USP32: variants seen among roughly 807,000 people sequenced by gnomAD.
The protein encoded by USP32 is ubiquitin specific peptidase 32.
Under a neutral mutation model 204.8 loss-of-function variants are expected in USP32, and 59 were observed. That is an observed-to-expected ratio of 0.29 (90% CI 0.23 to 0.36). The LOEUF (loss-of-function observed/expected upper bound fraction) is 0.36, where lower values mean the gene tolerates loss of function less well. Ranked by LOEUF, USP32 falls within the 10% of genes least tolerant of loss-of-function variation. The probability of loss-of-function intolerance (pLI) is 1.00; values close to 1 mark genes in which losing one functional copy is unlikely to be tolerated. For missense variants in USP32, 1,160 were observed against 1,946.4 expected (o/e 0.60, Z 7.60); for synonymous variants, 517 against 678.4 (o/e 0.76, Z 3.70).
chr17:60,318,376 A>G (rs1160971861), intron 2 of USP32, among the ~76,000 whole-genome samples: 2 of 152,180 alleles, frequency 1.3e-5, no homozygotes, highest in Non-Finnish European at 2.9e-5. Flanking sequence ...TCTCCTGTTC[A>G]CTAATCTAAT....
chr17:60,347,304 C>A (rs545996117), intron 1 of USP32, among the ~76,000 whole-genome samples: 21 of 151,538 alleles, frequency 1.4e-4, no homozygotes, highest in African/African-American at 4.8e-4. Flanking sequence ...CCTGCCTCAT[C>A]CTCCCAAGTA....
chr17:60,302,866 TA>T (rs1474034070), intron 2 of USP32, among the ~76,000 whole-genome samples: 1 of 152,120 alleles, frequency 6.6e-6, no homozygotes, highest in Non-Finnish European at 1.5e-5. Context: ...GAAGAAAAAC[TA>T]TGCATAGGAA....
At position 60,227,842 on chromosome 17, in the gene USP32, C is replaced by A. The variant is rs574728367; in HGVS notation, c.1240-1611G>T. Among the ~76,000 whole-genome samples, 95 of 151,854 alleles carry A rather than the reference C, an allele frequency of 6.3e-4. 1 individual carries two copies. The highest frequency in any genetic ancestry group is 5.8e-3 in the Admixed American group (88 of 15,252). ...GTTACCACTGCTTCACTTTAGTAGC[C>A]AAAAAATTTTTTTAAATTTTAAGTA... On this transcript the variant is annotated intron_variant, in intron 12 of 33. Transcript: ENST00000300896.
At chr17:60,182,571 T>C (rs899727478) in intron 31 of USP32, among the ~76,000 whole-genome samples, 1 of 152,088 alleles carries the variant, frequency 6.6e-6, no homozygotes, top group Admixed American at 6.6e-5. Context: ...GAGCCCAGCC[T>C]GGGAAATATG....
intron 2 of USP32, among the ~76,000 whole-genome samples, chr17:60,326,204 T>C (rs1447222356): frequency 2.6e-5 from 4 of 152,076 alleles, no homozygotes; most frequent in Non-Finnish European, 5.9e-5. Flanking sequence ...GTGATGCATT[T>C]CCTACTGATA....
intron 16 of USP32, 116 bp from the exon 17 acceptor site, chr17:60,214,890 T>C: frequency 3.3e-6 from 5 of 1,503,356 alleles, no homozygotes; most frequent in Non-Finnish European, 4.5e-6. Context: ...GAATTACAGG[T>C]GTAATAATTT....
intron 4 of USP32, among the ~76,000 whole-genome samples, chr17:60,292,633 T>TAC (rs1361627814): frequency 6.6e-5 from 10 of 152,166 alleles, no homozygotes; most frequent in Admixed American, 1.3e-4. Flanking sequence ...AACTTCTCAC[T>TAC]ACCTCACTGC....
At chr17:60,259,013 C>T (rs2145738313) in intron 9 of USP32, among the ~76,000 whole-genome samples, 1 of 152,228 alleles carries the variant, frequency 6.6e-6, no homozygotes, top group Non-Finnish European at 1.5e-5. Flanking sequence ...GCCCCTTTAG[C>T]CAGAATCTCA....
chr17:60,226,898 G>C (rs9903737), intron 12 of USP32, among the ~76,000 whole-genome samples: 1 of 151,802 alleles, frequency 6.6e-6, no homozygotes, highest in Admixed American at 6.6e-5. Context: ...ACAAAAATTA[G>C]CTGGGGGTGG....
chr17:60,398,118 A>G (rs1312728739), intron 1 of USP32, among the ~76,000 whole-genome samples: 4 of 152,238 alleles, frequency 2.6e-5, no homozygotes, highest in Non-Finnish European at 5.9e-5. Flanking sequence ...TAATCCAAGC[A>G]CTTTGGGCAG....
At chr17:60,238,267 T>G (rs1257127096) in intron 11 of USP32, among the ~76,000 whole-genome samples, 1 of 152,206 alleles carries the variant, frequency 6.6e-6, no homozygotes, top group African/African-American at 2.4e-5. Flanking sequence ...GTTGTTAAGC[T>G]GTAGGAGTTC....
intron 5 of USP32, among the ~76,000 whole-genome samples, chr17:60,273,987 T>C (rs1008926772): frequency 2.9e-5 from 4 of 139,450 alleles, no homozygotes; most frequent in African/African-American, 1.2e-4. Context: ...AAAAAAAAAT[T>C]AGTCAATAGA....
chr17:60,261,533 C>T (rs1378337002), intron 9 of USP32, among the ~76,000 whole-genome samples: 1 of 151,980 alleles, frequency 6.6e-6, no homozygotes, highest in Non-Finnish European at 1.5e-5. Context: ...GTAATCCCAG[C>T]TACTTGGAAG....
intron 1 of USP32, among the ~76,000 whole-genome samples, chr17:60,361,379 T>C (rs955713299): frequency 7.9e-5 from 12 of 152,184 alleles, no homozygotes; most frequent in Non-Finnish European, 1.2e-4. Flanking sequence ...ACATATAGAT[T>C]TAGTTCATTC....
intron 25 of USP32, among the ~76,000 whole-genome samples, chr17:60,206,800 G>C (rs1470993749): frequency 6.6e-6 from 1 of 152,054 alleles, no homozygotes; most frequent in Non-Finnish European, 1.5e-5. Flanking sequence ...GAATTCCAAG[G>C]GTATATTAGC....
intron 17 of USP32, among the ~76,000 whole-genome samples, chr17:60,214,159 C>T (rs977888642): frequency 3.3e-5 from 5 of 152,116 alleles, no homozygotes; most frequent in African/African-American, 9.7e-5. Flanking sequence ...CCAGGCTGGT[C>T]TCAAACTCCT....
At chr17:60,215,671 T>C (rs2085083060) in intron 16 of USP32, among the ~76,000 whole-genome samples, 1 of 152,140 alleles carries the variant, frequency 6.6e-6, no homozygotes, top group Non-Finnish European at 1.5e-5. Context: ...AACATATGTA[T>C]ATCTATTACA....
At chr17:60,368,681 G>A (rs1212611352) in intron 1 of USP32, among the ~76,000 whole-genome samples, 7 of 151,852 alleles carry the variant, frequency 4.6e-5, no homozygotes, top group Non-Finnish European at 1.0e-4. Flanking sequence ...TAAGTCCAGG[G>A]GTTTATGTTT....
chr17:60,249,385 G>C, intron 11 of USP32: 1 of 235,582 alleles, frequency 4.2e-6, no homozygotes, highest in East Asian at 1.0e-4. Flanking sequence ...GATCACTGGG[G>C]ACATGAGAAA....
Sources: allele counts gnomAD v4.1 joint callset (sites outside exome capture counted in the v4.1 genomes callset), GRCh38; gene constraint gnomAD v4.1.1; transcripts MANE v1.5; gene names NCBI Gene and HGNC (gene_info 2026-07-23, HGNC 2026-07-21).